ASPM: variants seen among roughly 807,000 people sequenced by gnomAD.
ASPM encodes abnormal spindle-like microcephaly-associated protein.
In ASPM, 256 loss-of-function variants were observed where a neutral mutation model predicts 366.4. That is an observed-to-expected ratio of 0.70 (90% confidence interval 0.63 to 0.77). The LOEUF is 0.77. ASPM is among the 30% of genes least tolerant of loss of function. The pLI, the probability that ASPM is intolerant of heterozygous loss-of-function variation, is 0.00. For synonymous variants in ASPM, 1,414 were observed against 1,342.9 expected (o/e 1.05, Z -1.16); for missense variants, 4,146 against 4,090.4 (o/e 1.01, Z -0.37).
intron 10 of ASPM, 148 bp downstream of exon 10, chr1:197,128,342 T>C (rs200375120): frequency 7.8e-5 from 40 of 514,726 alleles, no homozygotes; most frequent in Middle Eastern, 5.0e-4. Flanking sequence ...ACCACTTCCC[T>C]GAAAAAAAAA....
chr1:197,133,862 T>C (rs563644835), intron 5 of ASPM, among the ~76,000 whole-genome samples: 1 of 152,326 alleles, frequency 6.6e-6, no homozygotes, highest in African/African-American at 2.4e-5. Context: ...ACTTCCTCAC[T>C]GGTTTATCTG....
rs375913831 is a variant in ASPM, at chr1:197,102,913, A to G, written c.6338T>C (p.Ile2113Thr). ...AGTGGCTGCCCTGTGCATGTGTTGAATATGTCTTCTAACTCTAATACCTCT... is the reference window on the plus strand; with the variant it reads ...AGTGGCTGCCCTGTGCATGTGTTGAGTATGTCTTCTAACTCTAATACCTCT... Reference protein sequence around the residue: ...VYRGIRVRRHIQHMHRAATFI... With the variant: ...VYRGIRVRRHTQHMHRAATFI... Residue 2113 changes from isoleucine (I) to threonine (T), a missense_variant, in exon 18 of 28, where the codon ATT (isoleucine) becomes ACT (threonine). By Grantham distance (89) the Ile-to-Thr change is moderately conservative. This residue lies in a region of ASPM where 3,624 missense variants were observed against 3,591.7 expected (regional missense o/e 1.01). Transcript: ENST00000367409. 1.9e-6 allele frequency: 3 copies of G among 1,612,584 alleles called. No individual in the cohort carries two copies. Among genetic ancestry groups the G allele is most frequent in the South Asian group, 2.2e-5 (2 of 91,064 alleles).
chr1:197,135,496 G>A (rs1292640019), intron 4 of ASPM, among the ~76,000 whole-genome samples: 2 of 152,018 alleles, frequency 1.3e-5, no homozygotes, highest in Non-Finnish European at 2.9e-5. Context: ...AAGTCTGATA[G>A]AATATCTTTT....
At chr1:197,093,987 G>A (rs1342767189) in intron 20 of ASPM, 97 bp downstream of exon 20, 15 of 823,080 alleles carry the variant, frequency 1.8e-5, no homozygotes, top group Admixed American at 5.8e-5. Context: ...TTTTTCCAGC[G>A]AAGGATTTAT....
At chr1:197,114,222 A>G (rs951982223) in intron 17 of ASPM, among the ~76,000 whole-genome samples, 2 of 152,372 alleles carry the variant, frequency 1.3e-5, no homozygotes, top group African/African-American at 4.8e-5. Flanking sequence ...TACAAGGTAC[A>G]TACCTAAATT....
At position 197,096,010 on chromosome 1, in the gene ASPM, A is replaced by G. The variant is rs1656962869; in HGVS notation, c.8975T>C (p.Leu2992Pro). The G allele has an allele frequency of 3.7e-6, 6 of 1,607,796 alleles. No homozygotes were observed. Among genetic ancestry groups the G allele is most frequent in the Non-Finnish European group, 5.1e-6 (6 of 1,175,392 alleles). ...KIIQGCFYTK[L>P]ERTRFLNVRA... The stretch of plus-strand genomic sequence containing the variant: ...TATGATACATTACCGTGTTCTCTCT[A>G]GTTTGGTATAGAAGCAACCTTGAAT... The change falls in exon 19 of 28, where the codon CTA becomes CCA. Residue 2992 changes from leucine to proline, a missense_variant. Leu to Pro is a moderately conservative substitution (Grantham distance 98). This residue lies in a region of ASPM where 3,624 missense variants were observed against 3,591.7 expected (regional missense o/e 1.01). Transcript: ENST00000367409.
In ASPM at chr1:197,108,832, G is replaced by T. The variant is rs184263369; in HGVS notation, c.4066-3647C>A. 1.8e-3 allele frequency among the ~76,000 whole-genome samples: 273 copies of T among 151,878 alleles called. 1 individual carries two copies. The highest frequency in any genetic ancestry group is 6.3e-3 in the African/African-American group (263 of 41,468). ...CAAAAAATACAAAAATTAGTTGAGT[G>T]TGGTGGTACATGCCTGTAGTCTCAG... is the stretch of plus-strand genomic sequence containing the variant. On this transcript the variant is annotated intron_variant, in intron 17 of 27. Coordinates refer to ENST00000367409, the MANE Select transcript of ASPM (RefSeq NM_018136.5).
Position 197,102,934 on chromosome 1 carries a change from C to A in ASPM, c.6317G>T (p.Gly2106Val). ...TTGAATATGTCTTCTAACTCTAATA[C>A]CTCTATAAACAGATTGGATTTTAAT... ...TAIKIQSVYR[G>V]IRVRRHIQHM... is the part of the protein sequence containing the mutation. The change falls in exon 18 of 28, where the codon GGT becomes GTT. Residue 2106 changes from glycine to valine, a missense_variant. Gly to Val is a moderately radical substitution (Grantham distance 109). Transcript: ENST00000367409. 1 of 1,612,408 alleles carries A rather than the reference C, an allele frequency of 6.2e-7. No individual in the cohort carries two copies. Among genetic ancestry groups the A allele is most frequent in the South Asian group, 1.1e-5 (1 of 91,042 alleles).
In ASPM at chr1:197,132,316, T is replaced by C; in HGVS notation, c.2456A>G (p.Tyr819Cys). Residue 819 changes from tyrosine to cysteine, a missense_variant, in exon 7 of 28, where the codon TAC becomes TGC. This residue lies in a region of ASPM where 3,624 missense variants were observed against 3,591.7 expected (regional missense o/e 1.01). Coordinates refer to ENST00000367409, the MANE Select transcript of ASPM (RefSeq NM_018136.5). Reference sequence around the variant, plus strand: ...ACCAATTCGAAGCCACAAAGGATTGTAGGACAACAGCCAATTCAGGACTTT... The same window carrying C: ...ACCAATTCGAAGCCACAAAGGATTGCAGGACAACAGCCAATTCAGGACTTT... ...RQKVLNWLLSYNPLWLRIGLE... is the reference protein window; with the variant it reads ...RQKVLNWLLSCNPLWLRIGLE... 1 of 1,613,300 alleles carries C rather than the reference T, an allele frequency of 6.2e-7. No individual in the cohort carries two copies. Among genetic ancestry groups the C allele is most frequent in the Non-Finnish European group, 8.5e-7 (1 of 1,179,528 alleles).
At position 197,132,360 on chromosome 1, in the gene ASPM, G is replaced by A; in HGVS notation, c.2420-8C>T. Reference sequence around the variant, plus strand: ...GGACTTTCTGACGTTCTCCTGAAATGCATGTCAAAGGCAAATAAGTTCAAA... The same window carrying A: ...GGACTTTCTGACGTTCTCCTGAAATACATGTCAAAGGCAAATAAGTTCAAA... On this transcript the variant is annotated splice_polypyrimidine_tract_variant and splice_region_variant and intron_variant, in intron 6 of 27. Transcript: ENST00000367409. The A allele has an allele frequency of 6.2e-7, 1 of 1,612,186 alleles. No individual in the cohort carries two copies. The highest frequency in any genetic ancestry group is 8.5e-7 in the Non-Finnish European group (1 of 1,178,600).
intron 4 of ASPM, among the ~76,000 whole-genome samples, chr1:197,136,176 T>C (rs1228784970): frequency 6.6e-6 from 1 of 152,196 alleles, no homozygotes; most frequent in Non-Finnish European, 1.5e-5. Flanking sequence ...AATTAAGACA[T>C]TTCTAGATTT....
chr1:197,093,025 T>G, intron 21 of ASPM, 27 bp downstream of exon 21: 8 of 1,547,346 alleles, frequency 5.2e-6, no homozygotes, highest in Non-Finnish European at 7.1e-6. Flanking sequence ...TTTATAAGAA[T>G]GAGATATGCT....
chr1:197,131,365 T>G (rs139443466), intron 7 of ASPM, among the ~76,000 whole-genome samples: 1 of 152,128 alleles, frequency 6.6e-6, no homozygotes, highest in Non-Finnish European at 1.5e-5. Flanking sequence ...AAAAGATACT[T>G]TTAATAAAAA....
rs1318448052 is a variant in ASPM, at chr1:197,104,543, A to C, written c.4708T>G (p.Trp1570Gly). The C allele has an allele frequency of 3.7e-6, 6 of 1,612,772 alleles. No individual in the cohort carries two copies. The highest frequency in any genetic ancestry group is 5.1e-6 in the Non-Finnish European group (6 of 1,179,442). Residue 1570 changes from tryptophan (W) to glycine (G), a missense_variant, in exon 18 of 28, where the codon TGG becomes GGG. This residue lies in a region of ASPM where 3,624 missense variants were observed against 3,591.7 expected (regional missense o/e 1.01). Transcript: ENST00000367409. ...IRAACVIQSY[W>G]RMRQDRVRFL... is the part of the protein sequence containing the mutation. ...CGAACTCTGTCTTGTCTCATTCTCC[A>C]GTATGACTGAATAACACAAGCAGCT...
intron 25 of ASPM, 64 bp from the exon 26 acceptor site, chr1:197,088,496 C>CA (rs1656670727): frequency 3.4e-6 from 5 of 1,461,474 alleles, no homozygotes; most frequent in Non-Finnish European, 4.7e-6. Flanking sequence ...ACAACCCAAC[C>CA]AAAAAAACAA....
chr1:197,115,407 C>A (rs1657711334), intron 17 of ASPM, among the ~76,000 whole-genome samples: 1 of 152,128 alleles, frequency 6.6e-6, no homozygotes, highest in African/African-American at 2.4e-5. Context: ...CAACTTGTTC[C>A]AAACTCCTGT....
In ASPM at chr1:197,142,986, G is replaced by T; in HGVS notation, c.1266C>A (p.Val422=). Residue 422 remains valine (V), a synonymous_variant, in exon 3 of 28, where the codon GTC becomes GTA. Coordinates refer to ENST00000367409, the MANE Select transcript of ASPM (RefSeq NM_018136.5). ...TTCTCCAATCTTCAGGAGACTGTGG[G>T]ACTTGAGAATTTTCATTTGATAATG... ...KVPLSNENSQ[V]PQSPEDWRKS... is the part of the protein sequence containing the mutation. 6.2e-7 allele frequency: 1 copy of T among 1,613,830 alleles called. No individual in the cohort carries two copies. Among genetic ancestry groups the T allele is most frequent in the Non-Finnish European group, 8.5e-7 (1 of 1,179,850 alleles).
intron 5 of ASPM, among the ~76,000 whole-genome samples, chr1:197,134,003 G>A (rs2125109829): frequency 6.6e-6 from 1 of 152,000 alleles, no homozygotes; most frequent in Middle Eastern, 3.4e-3. Flanking sequence ...AACGAAAAAT[G>A]GGGCTTTGCT....
intron 6 of ASPM, 99 bp downstream of exon 6, chr1:197,133,251 T>G: frequency 7.7e-7 from 1 of 1,295,030 alleles, no homozygotes; most frequent in East Asian, 2.4e-5. Context: ...ATGCCAGTTT[T>G]ACCTGTCAAT....
Sources: allele counts gnomAD v4.1 joint callset (sites outside exome capture counted in the v4.1 genomes callset), GRCh38; gene constraint gnomAD v4.1.1; regional missense constraint gnomAD v4.1.1; transcripts MANE v1.5; gene names NCBI Gene and HGNC (gene_info 2026-07-23, HGNC 2026-07-21).